Variants in NKAIN3 observed in about 807,000 individuals in gnomAD.
The protein encoded by NKAIN3 is sodium/potassium-transporting ATPase subunit beta-1-interacting protein 3.
Under a neutral mutation model 30.2 loss-of-function variants are expected in NKAIN3, and 25 were observed. The observed-to-expected ratio is 0.83, with a 90% confidence interval of 0.60 to 1.16. The LOEUF (loss-of-function observed/expected upper bound fraction) is 1.16, where lower values mean the gene tolerates loss of function less well. Among genes scored for constraint, NKAIN3 ranks in the 50% most tolerant of loss-of-function variants. The pLI is 0.00. For synonymous variants in NKAIN3, 91 were observed against 89.6 expected, an observed-to-expected ratio of 1.02 and a Z score of -0.09; for missense variants, 225 against 254.1, an observed-to-expected ratio of 0.89 and a Z score of 0.78.
intron 4 of NKAIN3, among the ~76,000 whole-genome samples, chr8:62,749,410 G>A (rs1466335168): frequency 6.6e-6 from 1 of 152,134 alleles, no homozygotes; most frequent in African/African-American, 2.4e-5. Context: ...AACATTCAAA[G>A]CTACCACCCT....
chr8:62,616,923 G>A (rs1489135779), intron 3 of NKAIN3, among the ~76,000 whole-genome samples: 1 of 152,194 alleles, frequency 6.6e-6, no homozygotes, highest in Non-Finnish European at 1.5e-5. Flanking sequence ...AGGTGTTTGG[G>A]TCATGAGGGA....
intron 3 of NKAIN3, among the ~76,000 whole-genome samples, chr8:62,677,900 G>A (rs1813525781): frequency 6.6e-6 from 1 of 152,060 alleles, no homozygotes; most frequent in Admixed American, 6.6e-5. Flanking sequence ...CTATCCCCTG[G>A]TCTAGCTAGG....
intron 1 of NKAIN3, among the ~76,000 whole-genome samples, chr8:62,558,491 C>A (rs948698321): frequency 1.3e-5 from 2 of 152,042 alleles, no homozygotes; most frequent in Non-Finnish European, 2.9e-5. Context: ...TTGTAGATTT[C>A]TTTTGGCAGT....
chr8:62,351,973 G>A (rs1816194755), intron 1 of NKAIN3, among the ~76,000 whole-genome samples: 1 of 152,110 alleles, frequency 6.6e-6, no homozygotes, highest in African/African-American at 2.4e-5. Context: ...TCCTGGTCAG[G>A]GTCCCCATGT....
rs371842594 is a variant in NKAIN3, at chr8:62,724,924, C to CT, written c.274-21998dup. On this transcript the variant is annotated intron_variant, in intron 3 of 6. Transcript: ENST00000623646. Reference sequence around the variant, plus strand: ...ATGGGATTGCTGGATCACATGATAGCTTTTTTTTTTCAGTTTCTTTAGGAA... The same window carrying CT: ...ATGGGATTGCTGGATCACATGATAGCTTTTTTTTTTTCAGTTTCTTTAGGAA... 3.5e-3 allele frequency among the ~76,000 whole-genome samples: 521 copies of CT among 149,260 alleles called. 4 individuals are homozygous for CT. Among genetic ancestry groups the CT allele is most frequent in the African/African-American group, 0.011 (457 of 40,808 alleles).
At chr8:62,471,244 G>A (rs1263549245) in intron 1 of NKAIN3, among the ~76,000 whole-genome samples, 1 of 152,066 alleles carries the variant, frequency 6.6e-6, no homozygotes, top group Non-Finnish European at 1.5e-5. Context: ...ATAGTCCTGG[G>A]GAGGGCGGGT....
intron 1 of NKAIN3, among the ~76,000 whole-genome samples, chr8:62,464,684 G>A (rs534872787): frequency 5.3e-5 from 8 of 152,188 alleles, no homozygotes; most frequent in African/African-American, 9.6e-5. Context: ...CAAGTATAAC[G>A]GTTTTTGAAA....
At chr8:62,516,498 G>T (rs1807988328) in intron 1 of NKAIN3, among the ~76,000 whole-genome samples, 1 of 151,960 alleles carries the variant, frequency 6.6e-6, no homozygotes, top group African/African-American at 2.4e-5. Flanking sequence ...ACCTTAGTTT[G>T]TTTTACTTGT....
intron 1 of NKAIN3, among the ~76,000 whole-genome samples, chr8:62,384,671 A>T (rs1817371503): frequency 6.6e-6 from 1 of 152,168 alleles, no homozygotes; most frequent in African/African-American, 2.4e-5. Flanking sequence ...TGATCCAAAG[A>T]TTGTCTTCAG....
chr8:62,418,580 C>G (rs535672247), intron 1 of NKAIN3, among the ~76,000 whole-genome samples: 1 of 152,222 alleles, frequency 6.6e-6, no homozygotes, highest in African/African-American at 2.4e-5. Context: ...TCACCCTTAG[C>G]AATTCTTTGA....
rs1489904960 is a variant in NKAIN3 at position 62,979,819 on chromosome 8, C to G, written c.*14412C>G. On this transcript the variant is annotated 3_prime_UTR_variant, in exon 7 of 7. Coordinates refer to ENST00000623646, the MANE Select transcript of NKAIN3 (RefSeq NM_001304533.3). ...CTTTGTTGTTGACTACAATTCAATG[C>G]CTTTTTTGCCTGCGTTTGTTTGGAC... 6.6e-6 allele frequency: 1 copy of G among 152,232 alleles called. No individual in the cohort carries two copies. The highest frequency in any genetic ancestry group is 1.5e-5 in the Non-Finnish European group (1 of 68,056). 9.4% of individuals were successfully genotyped at this position (152,232 alleles called of 1,614,324 possible). A position where few individuals can be genotyped will look rare whatever the true frequency, so the allele number is the denominator to read the frequency against.
chr8:62,947,120 A>T (rs1409623464), intron 5 of NKAIN3, among the ~76,000 whole-genome samples: 1 of 152,226 alleles, frequency 6.6e-6, no homozygotes, highest in East Asian at 1.9e-4. Flanking sequence ...AAGTCATTTA[A>T]TGGATATAGA....
intron 1 of NKAIN3, among the ~76,000 whole-genome samples, chr8:62,535,939 C>T (rs1808646757): frequency 6.6e-6 from 1 of 152,130 alleles, no homozygotes; most frequent in Non-Finnish European, 1.5e-5. Flanking sequence ...AGTCCTAATA[C>T]ACCCAACATT....
intron 4 of NKAIN3, chr8:62,856,945 G>T: frequency 3.5e-6 from 2 of 567,700 alleles, no homozygotes; most frequent in Admixed American, 2.2e-5. Flanking sequence ...TTCAAACATA[G>T]CCCTGGAGGC....
chr8:62,474,793 G>C (rs892885869), intron 1 of NKAIN3, among the ~76,000 whole-genome samples: 2 of 152,096 alleles, frequency 1.3e-5, no homozygotes, highest in African/African-American at 4.8e-5. Flanking sequence ...CTAAAGAGAT[G>C]AAGTGCCAGA....
intron 4 of NKAIN3, among the ~76,000 whole-genome samples, chr8:62,846,426 C>G (rs976400122): frequency 6.6e-6 from 1 of 151,996 alleles, no homozygotes; most frequent in Admixed American, 6.6e-5. Flanking sequence ...ATTCCATCAC[C>G]TAGGTATTAG....
At chr8:62,528,845 C>G (rs78187749) in intron 1 of NKAIN3, among the ~76,000 whole-genome samples, 1 of 152,036 alleles carries the variant, frequency 6.6e-6, no homozygotes, top group Non-Finnish European at 1.5e-5. Context: ...TGGGAAAGGG[C>G]GAGGAACTGA....
chr8:62,859,027 G>C (rs1374065065), intron 4 of NKAIN3, among the ~76,000 whole-genome samples: 1 of 152,202 alleles, frequency 6.6e-6, no homozygotes, highest in East Asian at 1.9e-4. Flanking sequence ...TCTCTGCCAA[G>C]ACTCCACATA....
chr8:62,909,662 C>T (rs1004922178), intron 4 of NKAIN3, among the ~76,000 whole-genome samples: 5 of 151,680 alleles, frequency 3.3e-5, no homozygotes, highest in Non-Finnish European at 7.4e-5. Flanking sequence ...ATGAGGGCAA[C>T]ATTATTAATT....
Sources: gnomAD v4.1 joint callset for allele counts (sites outside exome capture counted in the v4.1 genomes callset) on GRCh38, gnomAD v4.1.1 for gene constraint, MANE v1.5 for transcripts, NCBI Gene and HGNC (gene_info 2026-07-23, HGNC 2026-07-21) for gene names.